The following CTPS2 variants were observed in gnomAD, a reference collection of about 807,000 sequenced individuals.
CTPS2 encodes the protein CTP synthase 2, also known as CTP synthase II.
CTPS2 carries 19 observed loss-of-function variants against 46.8 expected under a neutral mutation model. That is an observed-to-expected ratio of 0.41 (90% CI 0.28 to 0.60). The LOEUF (loss-of-function observed/expected upper bound fraction) is 0.60, where lower values mean the gene tolerates loss of function less well. Ranked by LOEUF, CTPS2 falls within the 20% of genes least tolerant of loss-of-function variation. The pLI is 0.35. For missense variants in CTPS2, 286 were observed against 447.6 expected, an observed-to-expected ratio of 0.64 and a Z score of 3.26; for synonymous variants, 151 against 165.2, an observed-to-expected ratio of 0.91 and a Z score of 0.66.
At chrX:16,620,639 TAA>T (rs928860498) in intron 14 of CTPS2, among the ~76,000 whole-genome samples, 3 of 112,435 alleles carry the variant, frequency 2.7e-5, no homozygotes, top group African/African-American at 9.7e-5. Context: ...CCTGCAGGAC[TAA>T]GAGACGGCCA....
chrX:16,617,181 A>G lies in CTPS2; in HGVS notation c.1515T>C (p.Asp505=). ...GTTCAATGATTTCCATCCTGTCTCC[A>G]TCAACATCCTGACCTACAAAACTTA... ...NDLSFVGQDV[D]GDRMEIIELA... Residue 505 remains aspartate (D), a synonymous_variant, in exon 16 of 19, where the codon GAT becomes GAC. Transcript: ENST00000359276. 1 of 1,210,366 alleles carries G rather than the reference A, an allele frequency of 8.3e-7. No individual in the cohort carries two copies.
At chrX:16,624,906 T>A (rs1460838815) in intron 14 of CTPS2, among the ~76,000 whole-genome samples, 1 of 112,377 alleles carries the variant, frequency 8.9e-6, no homozygotes, top group Non-Finnish European at 1.9e-5. Flanking sequence ...ATAAAAGGGT[T>A]ATCAGAAACA....
At chrX:16,601,991 C>A (rs1929695785) in intron 17 of CTPS2, among the ~76,000 whole-genome samples, 1 of 111,399 alleles carries the variant, frequency 9.0e-6, no homozygotes, top group South Asian at 3.8e-4. Flanking sequence ...AGAAAATAGA[C>A]AAAAGATGGA....
In CTPS2 at chrX:16,588,643, A is replaced by G. The variant is rs1025208139; in HGVS notation, c.*1174T>C. 2 of 112,033 alleles carry G rather than the reference A, an allele frequency of 1.8e-5. No individual in the cohort carries two copies. Among genetic ancestry groups the G allele is most frequent in the Non-Finnish European group, 3.8e-5 (2 of 53,254 alleles). 9.2% of individuals were successfully genotyped at this position (112,033 alleles called of 1,213,427 possible). A position where few individuals can be genotyped will look rare whatever the true frequency, so the allele number is the denominator to read the frequency against. ...CACTTATATGAAATATCCAGAATAG[A>G]AAAAGCCACAGAAATAAAAAGGAGA... On this transcript the variant is annotated 3_prime_UTR_variant, in exon 19 of 19. Coordinates refer to ENST00000359276, the MANE Select transcript of CTPS2 (RefSeq NM_175859.3).
At chrX:16,663,960 C>G (rs769834932) in intron 13 of CTPS2, among the ~76,000 whole-genome samples, 3 of 110,981 alleles carry the variant, frequency 2.7e-5, no homozygotes, top group Non-Finnish European at 5.7e-5. Context: ...CTCAGCCTCC[C>G]GAGTAGCTGG....
chrX:16,627,269 A>G (rs1454595338), intron 14 of CTPS2, among the ~76,000 whole-genome samples: 2 of 112,097 alleles, frequency 1.8e-5, no homozygotes, highest in Non-Finnish European at 3.8e-5. Context: ...TCGTATGTGC[A>G]AGAATTTGCT....
At chrX:16,674,476 A>G (rs1922047484) in intron 10 of CTPS2, among the ~76,000 whole-genome samples, 2 of 111,294 alleles carry the variant, frequency 1.8e-5, no homozygotes, top group Admixed American at 9.6e-5. Context: ...GGATTATTTT[A>G]AGTTAGATAA....
intron 17 of CTPS2, among the ~76,000 whole-genome samples, chrX:16,596,023 C>T (rs1325461492): frequency 3.6e-5 from 4 of 111,089 alleles, no homozygotes; most frequent in East Asian, 5.7e-4. Context: ...CACATGCCAC[C>T]GTGCCCATCT....
Position 16,617,198 on chromosome X carries a change from C to T in CTPS2, c.1498G>A (p.Val500Ile), listed in dbSNP as rs1287342730. 1 of 1,210,568 alleles carries T rather than the reference C, an allele frequency of 8.3e-7. No individual in the cohort carries two copies. The highest frequency in any genetic ancestry group is 1.1e-6 in the Non-Finnish European group (1 of 894,755). ...KQFEQNDLSF[V>I]GQDVDGDRME... ...CTGTCTCCATCAACATCCTGACCTA[C>T]AAAACTTAAGTCATTCTGCTCAAAT... Residue 500 changes from valine to isoleucine, a missense_variant, in exon 16 of 19, where the codon GTA (valine) becomes ATA (isoleucine). By Grantham distance (29) the Val-to-Ile change is conservative. Coordinates refer to ENST00000359276, the MANE Select transcript of CTPS2 (RefSeq NM_175859.3).
chrX:16,680,297 G>A (rs1048270633), intron 9 of CTPS2, among the ~76,000 whole-genome samples: 1 of 111,485 alleles, frequency 9.0e-6, no homozygotes. Context: ...AGTGGCTCAC[G>A]TCTATAATCC....
chrX:16,599,294 T>A, intron 17 of CTPS2, among the ~76,000 whole-genome samples: 1 of 110,993 alleles, frequency 9.0e-6, no homozygotes, highest in Non-Finnish European at 1.9e-5. Context: ...AGCAAATATC[T>A]CTTATGCATG....
At chrX:16,673,325 G>T (rs967036174) in intron 10 of CTPS2, among the ~76,000 whole-genome samples, 1 of 111,339 alleles carries the variant, frequency 9.0e-6, no homozygotes, top group African/African-American at 3.3e-5. Context: ...CAGCAAACTG[G>T]TCAATAACAA....
intron 13 of CTPS2, among the ~76,000 whole-genome samples, chrX:16,639,777 A>AAAGAAAG (rs1555961940): frequency 1.1e-4 from 8 of 72,665 alleles, no homozygotes; most frequent in Non-Finnish European, 2.1e-4. Context: ...AAAGGAAAAG[A>AAAGAAAG]AAAGAAAGAA....
rs188056075 is a variant in CTPS2, at chrX:16,691,447, C to T, written c.720+93G>A. The T allele has an allele frequency of 7.4e-4, 541 of 728,877 alleles. 1 individual carries two copies. The highest frequency in any genetic ancestry group is 1.1e-3 in the Non-Finnish European group (497 of 469,143). The allele number at this position is 728,877 out of a possible 1,213,427, so 60.1% of individuals were successfully genotyped here. On this transcript the variant is annotated intron_variant, in intron 7 of 18. Transcript: ENST00000359276. ...GGGTTCCCCAGTGCTTGCATAAATG[C>T]CGTGAAAAGTAATATGATCATTGAA... is the stretch of plus-strand genomic sequence containing the variant.
intron 8 of CTPS2, among the ~76,000 whole-genome samples, chrX:16,687,379 G>A (rs1320002173): frequency 1.9e-5 from 2 of 105,880 alleles, no homozygotes; most frequent in African/African-American, 6.9e-5. Context: ...GGACGCTGAG[G>A]CAGGAGGATC....
chrX:16,688,304 G>A (rs1048549557), intron 8 of CTPS2, among the ~76,000 whole-genome samples: 1 of 110,769 alleles, frequency 9.0e-6, no homozygotes, highest in Non-Finnish European at 1.9e-5. Flanking sequence ...GGAGGCTGAG[G>A]CAGGAGAATG....
At chrX:16,640,258 C>T (rs182665184) in intron 13 of CTPS2, among the ~76,000 whole-genome samples, 4 of 111,585 alleles carry the variant, frequency 3.6e-5, no homozygotes, top group African/African-American at 6.5e-5. Flanking sequence ...CCTTTCCTCC[C>T]GCCGTGGCGA....
At chrX:16,670,740 C>A (rs1010250614) in intron 10 of CTPS2, 66 bp from the exon 11 acceptor site, 2 of 749,646 alleles carry the variant, frequency 2.7e-6, no homozygotes, top group Non-Finnish European at 2.0e-6. Context: ...GTGTATTCAG[C>A]CATTCGTGCA....
At chrX:16,657,185 C>T (rs1471747957) in intron 13 of CTPS2, among the ~76,000 whole-genome samples, 3 of 100,103 alleles carry the variant, frequency 3.0e-5, no homozygotes, top group East Asian at 6.0e-4. Context: ...CCACCATGCC[C>T]GGCCTTTTTT....
Sources: allele counts gnomAD v4.1 joint callset (sites outside exome capture counted in the v4.1 genomes callset), GRCh38; gene constraint gnomAD v4.1.1; transcripts MANE v1.5; gene names NCBI Gene and HGNC (gene_info 2026-07-23, HGNC 2026-07-21).